The following NOS1 variants were observed in gnomAD, a reference collection of about 807,000 sequenced individuals.
NOS1 encodes the protein NOS type I.
In NOS1, 51 loss-of-function variants were observed where a neutral mutation model predicts 164.5. The observed-to-expected ratio is 0.31, with a 90% CI of 0.25 to 0.39. The LOEUF (loss-of-function observed/expected upper bound fraction) is 0.39. Ranked by LOEUF, NOS1 falls within the 10% of genes least tolerant of loss-of-function variation. The pLI is 1.00. For missense variants in NOS1, 1,362 were observed against 1,885.6 expected, an observed-to-expected ratio of 0.72 and a Z score of 5.14; for synonymous variants, 719 against 745.8, an observed-to-expected ratio of 0.96 and a Z score of 0.59.
At chr12:117,293,785 C>T (rs145393797) in intron 3 of NOS1, among the ~76,000 whole-genome samples, 78 of 152,202 alleles carry the variant, frequency 5.1e-4, no homozygotes, top group African/African-American at 1.9e-3. Context: ...TACACTACCA[C>T]ACTGGGAGCA....
At chr12:117,321,829 C>T (rs1254159676) in intron 2 of NOS1, among the ~76,000 whole-genome samples, 3 of 152,076 alleles carry the variant, frequency 2.0e-5, no homozygotes, top group Admixed American at 6.5e-5. Flanking sequence ...TTCTAACTAG[C>T]GTGAGTCCTC....
intron 3 of NOS1, chr12:117,305,085 G>C: frequency 1.0e-6 from 1 of 985,318 alleles, no homozygotes; most frequent in Non-Finnish European, 1.2e-6. Context: ...GTAGTGGCTG[G>C]GTTCCTCTTT....
At chr12:117,274,937 T>C (rs1351106811) in intron 9 of NOS1, among the ~76,000 whole-genome samples, 4 of 151,926 alleles carry the variant, frequency 2.6e-5, no homozygotes, top group Non-Finnish European at 1.5e-5. Flanking sequence ...ATATACTGTG[T>C]GATATAAAGA....
intron 13 of NOS1, among the ~76,000 whole-genome samples, chr12:117,260,890 G>A (rs1027905061): frequency 1.3e-5 from 2 of 150,506 alleles, no homozygotes; most frequent in African/African-American, 4.9e-5. Flanking sequence ...ACCAGAGGCC[G>A]GGTGTGGTAG....
rs541417685 is a variant in NOS1, at chr12:117,234,575, G to A, written c.3225C>T (p.Asn1075=). 29 of 1,613,624 alleles carry A rather than the reference G, an allele frequency of 1.8e-5. No homozygotes were observed. In the South Asian group the frequency reaches 2.5e-4, roughly 14 times the overall value. The change falls in exon 21 of 29, where the codon AAC becomes AAT. Residue 1075 remains asparagine (N), a synonymous_variant. Coordinates refer to ENST00000317775, the MANE Select transcript of NOS1 (RefSeq NM_000620.5). The surrounding 1 kb of genome is among the most constrained non-coding windows in gnomAD (Gnocchi z 4.3). ...MVKVELLEER[N]TALGVISNWT... is the part of the protein sequence containing the mutation. ...CCCCGGGAATGTTACCTAAAGCCGT[G>A]TTCCGCTCCTCCAGCAGTTCCACTT...
intron 22 of NOS1, among the ~76,000 whole-genome samples, chr12:117,228,971 C>A (rs997646653): frequency 1.3e-5 from 2 of 152,106 alleles, no homozygotes; most frequent in Non-Finnish European, 2.9e-5. Flanking sequence ...TTAGTAGAGA[C>A]AGGGTTTCAC....
intron 3 of NOS1, 89 bp downstream of exon 3, chr12:117,311,377 A>G (rs2136055077): frequency 6.9e-7 from 1 of 1,439,536 alleles, no homozygotes; most frequent in East Asian, 2.6e-5. Context: ...ACAGTTTAGG[A>G]TTTAGCTTCC....
Position 117,210,964 on chromosome 12 carries a change from TA to T in NOS1, c.*4344del, listed in dbSNP as rs1191886952. On this transcript the variant is annotated 3_prime_UTR_variant, in exon 29 of 29. Transcript: ENST00000317775. ...TGTTTTATTTTATTTTATTTTATTT[TA>T]TTTTTTTTGAGATAAGAGTCTTGCT... is the stretch of plus-strand genomic sequence containing the variant. 6.3e-6 allele frequency: 6 copies of T among 956,188 alleles called. No individual in the cohort carries two copies. The highest frequency in any genetic ancestry group is 7.5e-6 in the Non-Finnish European group (6 of 804,958). The allele number at this position is 956,188 out of a possible 1,614,324, so 59.2% of individuals were successfully genotyped here.
At chr12:117,274,809 T>C (rs1047829080) in intron 9 of NOS1, among the ~76,000 whole-genome samples, 1 of 148,684 alleles carries the variant, frequency 6.7e-6, no homozygotes, top group African/African-American at 2.5e-5. Flanking sequence ...CATTAACATG[T>C]CAAAGTGATA....
At chr12:117,298,053 C>T (rs895109545) in intron 3 of NOS1, among the ~76,000 whole-genome samples, 11 of 152,050 alleles carry the variant, frequency 7.2e-5, no homozygotes, top group African/African-American at 2.4e-4. Flanking sequence ...AAGGGCATTA[C>T]ATTGATCGTG....
intron 1 of NOS1, among the ~76,000 whole-genome samples, chr12:117,351,388 C>T (rs1351656464): frequency 6.6e-6 from 1 of 152,196 alleles, no homozygotes; most frequent in African/African-American, 2.4e-5. Flanking sequence ...TCCTTCAGGC[C>T]TGGAGTGGCA....
At chr12:117,274,215 C>T (rs945192182) in intron 9 of NOS1, among the ~76,000 whole-genome samples, 17 of 152,204 alleles carry the variant, frequency 1.1e-4, no homozygotes, top group African/African-American at 3.9e-4. Flanking sequence ...GGAAGAAATG[C>T]TCAGCTTCAC....
At chr12:117,254,468 AT>A (rs1451330427) in intron 16 of NOS1, among the ~76,000 whole-genome samples, 3 of 152,168 alleles carry the variant, frequency 2.0e-5, no homozygotes, top group Non-Finnish European at 4.4e-5. Flanking sequence ...GCAGATTCTG[AT>A]TAAGTAGTTC....
intron 9 of NOS1, among the ~76,000 whole-genome samples, chr12:117,275,674 C>T (rs1036825572): frequency 2.0e-5 from 3 of 152,006 alleles, no homozygotes; most frequent in Middle Eastern, 3.2e-3. Flanking sequence ...AAAGGATAAG[C>T]GTTTGAGACA....
intron 4 of NOS1, among the ~76,000 whole-genome samples, chr12:117,289,063 G>A (rs983110987): frequency 2.0e-5 from 3 of 152,164 alleles, no homozygotes; most frequent in African/African-American, 7.2e-5. Flanking sequence ...AAGTTTCAGG[G>A]CAATTTGTTA....
chr12:117,307,149 C>CAGG (rs1566069208), intron 3 of NOS1, among the ~76,000 whole-genome samples: 11 of 152,118 alleles, frequency 7.2e-5, no homozygotes, highest in Non-Finnish European at 1.5e-4. Context: ...GTCTTTCTTG[C>CAGG]GGAGTCAAGG....
chr12:117,255,720 A>G (rs557067271), intron 16 of NOS1, among the ~76,000 whole-genome samples: 3 of 152,342 alleles, frequency 2.0e-5, no homozygotes, highest in African/African-American at 4.8e-5. Flanking sequence ...AGAAGTGGGT[A>G]GGGCAGAGCT....
At chr12:117,322,033 C>T (rs1874961644) in intron 2 of NOS1, among the ~76,000 whole-genome samples, 1 of 125,054 alleles carries the variant, frequency 8.0e-6, no homozygotes, top group Non-Finnish European at 1.7e-5. Context: ...TCCTTCCTTT[C>T]CTCCTTCTCT....
chr12:117,208,728 CTTT>C lies in NOS1; in HGVS notation c.*6578_*6580del, dbSNP rs10644899. On this transcript the variant is annotated 3_prime_UTR_variant, in exon 29 of 29. Coordinates refer to ENST00000317775, the MANE Select transcript of NOS1 (RefSeq NM_000620.5). ...CATCCTCTGTTCTGGCATGGGAGGGCTTTTTTTTTTTTTTCCACAGGGTCTCAT... is the reference window on the plus strand; with the variant it reads ...CATCCTCTGTTCTGGCATGGGAGGGCTTTTTTTTTTTCCACAGGGTCTCAT... The C allele has an allele frequency of 2.2e-5, 20 of 926,916 alleles. No individual in the cohort carries two copies. The highest frequency in any genetic ancestry group is 4.6e-5 in the South Asian group (1 of 21,722). The allele number at this position is 926,916 out of a possible 1,614,324, so 57.4% of individuals were successfully genotyped here.
Sources: allele counts gnomAD v4.1 joint callset (sites outside exome capture counted in the v4.1 genomes callset), GRCh38; gene constraint gnomAD v4.1.1; non-coding constraint Gnocchi (gnomAD v3.1); transcripts MANE v1.5; gene names NCBI Gene and HGNC (gene_info 2026-07-23, HGNC 2026-07-21).